Variants in EEIG1 observed in about 807,000 individuals in gnomAD.
The protein encoded by EEIG1 is estrogen-induced osteoclastogenesis regulator 1.
the EEIG1 span, chr9:127,941,921 G>A: frequency 6.6e-6 from 1 of 152,386 alleles, no homozygotes; most frequent in Non-Finnish European, 1.5e-5. Flanking sequence ...TACAAAATGA[G>A]TGAAATTTAA....
the EEIG1 span, among the ~76,000 whole-genome samples, chr9:127,956,715 T>TTAG: frequency 6.6e-6 from 1 of 150,704 alleles, no homozygotes; most frequent in Admixed American, 6.6e-5. Context: ...CCGGCCATTA[T>TTAG]TATTATTATT....
the EEIG1 span, chr9:127,953,690 G>C: frequency 6.5e-4 from 1,045 of 1,607,012 alleles, 4 homozygotes; most frequent in Non-Finnish European, 5.5e-4. Context: ...CCAGATCTGA[G>C]GGGAGGAGGG....
At chr9:127,962,295 T>C in the EEIG1 span, among the ~76,000 whole-genome samples, 10 of 152,204 alleles carry the variant, frequency 6.6e-5, no homozygotes, top group Non-Finnish European at 1.5e-4. Flanking sequence ...TGTCTGGAGA[T>C]TGGGGTGAGT....
chr9:127,945,492 G>C, the EEIG1 span: 2 of 1,568,694 alleles, frequency 1.3e-6, no homozygotes, highest in South Asian at 1.2e-5. This position sits in a 1 kb window ranked among gnomAD's most constrained non-coding sequence, Gnocchi z 6.5. Flanking sequence ...AGGCGCTGCT[G>C]CTGGTGGACG....
chr9:127,970,120 T>G, the EEIG1 span, among the ~76,000 whole-genome samples: 1 of 146,340 alleles, frequency 6.8e-6, no homozygotes, highest in East Asian at 2.0e-4. Context: ...CATCATACAC[T>G]TTTTTTTTTT....
chr9:127,962,910 C>T, the EEIG1 span, among the ~76,000 whole-genome samples: 590 of 152,148 alleles, frequency 3.9e-3, 4 homozygotes, highest in African/African-American at 0.014. Flanking sequence ...CCTTACTGCC[C>T]ACCACCACCT....
the EEIG1 span, among the ~76,000 whole-genome samples, chr9:127,968,279 C>T: frequency 6.6e-6 from 1 of 152,030 alleles, no homozygotes; most frequent in Non-Finnish European, 1.5e-5. Context: ...GGGCCTGGCC[C>T]CTCGAATGAC....
the EEIG1 span, among the ~76,000 whole-genome samples, chr9:127,959,771 A>G: frequency 6.6e-6 from 1 of 152,168 alleles, no homozygotes; most frequent in South Asian, 2.1e-4. Context: ...CCCATGTGGG[A>G]CTGTGAGTCA....
chr9:127,955,293 C>T, the EEIG1 span, among the ~76,000 whole-genome samples: 1 of 152,212 alleles, frequency 6.6e-6, no homozygotes, highest in Non-Finnish European at 1.5e-5. Context: ...GGGCTCTATG[C>T]CACCCCTTCT....
the EEIG1 span, among the ~76,000 whole-genome samples, chr9:127,976,968 A>G: frequency 6.6e-6 from 1 of 151,724 alleles, no homozygotes; most frequent in Non-Finnish European, 1.5e-5. The surrounding 1 kb of genome is among the most constrained non-coding windows in gnomAD (Gnocchi z 4.1). Context: ...GCAGACTGTG[A>G]AGCGGGGTTC....
chr9:127,951,827 AAAAAG>A, the EEIG1 span, among the ~76,000 whole-genome samples: 22 of 151,052 alleles, frequency 1.5e-4, no homozygotes, highest in Admixed American at 5.3e-4. Context: ...AAAAAAAAAA[AAAAAG>A]AAAAGAAAAG....
At chr9:127,969,540 A>T in the EEIG1 span, among the ~76,000 whole-genome samples, 1 of 152,176 alleles carries the variant, frequency 6.6e-6, no homozygotes, top group Non-Finnish European at 1.5e-5. Context: ...AGCATCAAGG[A>T]GGACCTCATT....
At chr9:127,952,243 G>A in the EEIG1 span, among the ~76,000 whole-genome samples, 1 of 152,356 alleles carries the variant, frequency 6.6e-6, no homozygotes, top group Admixed American at 6.5e-5. Context: ...CCCGGGCCAG[G>A]GCAGAGTGCA....
chr9:127,949,038 G>A, the EEIG1 span, among the ~76,000 whole-genome samples: 5 of 152,236 alleles, frequency 3.3e-5, no homozygotes, highest in Non-Finnish European at 4.4e-5. Context: ...GCTTTCGGCC[G>A]GGTGCCGTGG....
chr9:127,960,716 T>G, the EEIG1 span, among the ~76,000 whole-genome samples: 1 of 152,124 alleles, frequency 6.6e-6, no homozygotes, highest in Non-Finnish European at 1.5e-5. Context: ...CCTTTCCTTT[T>G]GAGAGTTTGC....
chr9:127,964,158 T>C, the EEIG1 span, among the ~76,000 whole-genome samples: 3 of 152,100 alleles, frequency 2.0e-5, no homozygotes, highest in Non-Finnish European at 4.4e-5. Context: ...AGCCCCATCT[T>C]GGTGAGCCTC....
At chr9:127,944,292 T>C in the EEIG1 span, 1 of 444,448 alleles carries the variant, frequency 2.2e-6, no homozygotes, top group Non-Finnish European at 4.1e-6. Flanking sequence ...TGGGAGGAAG[T>C]AGAAGGGAGG....
the EEIG1 span, among the ~76,000 whole-genome samples, chr9:127,965,871 A>AG: frequency 1.3e-5 from 2 of 152,200 alleles, no homozygotes; most frequent in Non-Finnish European, 2.9e-5. Context: ...GGCTCCTGCC[A>AG]GGGGTTCAGG....
At chr9:127,949,437 G>A in the EEIG1 span, among the ~76,000 whole-genome samples, 476 of 152,272 alleles carry the variant, frequency 3.1e-3, no homozygotes, top group Middle Eastern at 0.027. Context: ...GACTCAGAGA[G>A]GGGAAGTGAC....
Sources: allele counts gnomAD v4.1 joint callset (sites outside exome capture counted in the v4.1 genomes callset), GRCh38; gene constraint gnomAD v4.1.1; non-coding constraint Gnocchi (gnomAD v3.1); transcripts MANE v1.5; gene names NCBI Gene and HGNC (gene_info 2026-07-23, HGNC 2026-07-21).